YWHAZ: variants seen among roughly 807,000 people sequenced by gnomAD.
YWHAZ encodes tyrosine 3-monooxygenase/tryptophan 5-monooxygenase activation protein zeta.
For missense variants in YWHAZ, 79 were observed against 284.8 expected, an observed-to-expected ratio of 0.28 and a Z score of 5.20; for synonymous variants, 87 against 103.6, an observed-to-expected ratio of 0.84 and a Z score of 0.97.
intron 2 of YWHAZ, among the ~76,000 whole-genome samples, chr8:100,945,902 C>T (rs1388481006): frequency 6.6e-6 from 1 of 151,946 alleles, no homozygotes; most frequent in African/African-American, 2.4e-5. Context: ...ATTTGAGCAT[C>T]TATTACACGT....
At chr8:100,938,973 G>A (rs1392002392) in intron 2 of YWHAZ, among the ~76,000 whole-genome samples, 11 of 152,140 alleles carry the variant, frequency 7.2e-5, no homozygotes, top group Admixed American at 7.2e-4. Context: ...TATAAATAAG[G>A]TCATCTATAA....
intron 2 of YWHAZ, among the ~76,000 whole-genome samples, chr8:100,943,243 A>C (rs1810002510): frequency 6.6e-6 from 1 of 152,248 alleles, no homozygotes; most frequent in Non-Finnish European, 1.5e-5. Context: ...TTTATTCTCT[A>C]TGTGGAACTG....
At chr8:100,923,383 AAGAG>A (rs932215044) in intron 5 of YWHAZ, 3 of 152,240 alleles carry the variant, frequency 2.0e-5, no homozygotes, top group Non-Finnish European at 4.4e-5. Flanking sequence ...AACTTAAAAA[AAGAG>A]AGATAATTGG....
chr8:100,924,886 G>A lies in YWHAZ; in HGVS notation c.418+30C>T, dbSNP rs768004464. ...TTCCTCACTATGTTATCTTATACAA[G>A]TTCAACCAACAGGTTTAAAAACAGC... On this transcript the variant is annotated intron_variant, in intron 3 of 5. Coordinates refer to ENST00000395958, the MANE Select transcript of YWHAZ (RefSeq NM_145690.3). This position sits in a 1 kb window ranked among gnomAD's most constrained non-coding sequence, Gnocchi z 5.7. The A allele has an allele frequency of 3.2e-5, 51 of 1,610,782 alleles. No individual in the cohort carries two copies. The highest frequency in any genetic ancestry group is 4.2e-5 in the Non-Finnish European group (50 of 1,179,358).
At chr8:100,952,640 C>T (rs867426406), upstream of YWHAZ, 115 of 356,230 alleles carry the variant, frequency 3.2e-4, no homozygotes, top group Non-Finnish European at 8.6e-5. Flanking sequence ...CGTCCCCGGG[C>T]AGGATGACAA....
At chr8:100,931,203 T>C (rs935578650) in intron 2 of YWHAZ, among the ~76,000 whole-genome samples, 1 of 152,228 alleles carries the variant, frequency 6.6e-6, no homozygotes, top group Non-Finnish European at 1.5e-5. Context: ...AGATAGTCTA[T>C]ATTTACAATG....
At position 100,922,091 on chromosome 8, in the gene YWHAZ, T is replaced by A. The variant is rs995070163; in HGVS notation, c.679-1339A>T. Among the ~76,000 whole-genome samples, 1 of 152,222 alleles carries A rather than the reference T, an allele frequency of 6.6e-6. No homozygotes were observed. Among genetic ancestry groups the A allele is most frequent in the African/African-American group, 2.4e-5 (1 of 41,450 alleles). On this transcript the variant is annotated intron_variant, in intron 5 of 5. Coordinates refer to ENST00000395958, the MANE Select transcript of YWHAZ (RefSeq NM_145690.3). This position sits in a 1 kb window ranked among gnomAD's most constrained non-coding sequence, Gnocchi z 4.1. ...TGCTCCTCCTGTCAAACAAGGGGTT[T>A]TGTAATTGCAAGATGAAATTGTTTC...
upstream of YWHAZ, chr8:100,952,801 C>G: frequency 1.0e-6 from 1 of 1,000,196 alleles, no homozygotes; most frequent in Non-Finnish European, 1.2e-6. Context: ...GCTGGGCCGA[C>G]CGGGGCGCGC....
At chr8:100,951,415 A>AGGGGGCGGCCGAGGGAGAGG in intron 1 of YWHAZ, 1 of 978,408 alleles carries the variant, frequency 1.0e-6, no homozygotes, top group Non-Finnish European at 1.2e-6. Context: ...GGGGAGGGAA[A>AGGGGGCGGCCGAGGGAGAGG]GGAGGGGGCG....
chr8:100,940,327 G>GT (rs1441676717), intron 2 of YWHAZ, among the ~76,000 whole-genome samples: 1 of 152,086 alleles, frequency 6.6e-6, no homozygotes, highest in Admixed American at 6.5e-5. Flanking sequence ...TTTTTAGCTT[G>GT]TAAGTGGCAC....
At chr8:100,941,763 C>T (rs775377081) in intron 2 of YWHAZ, among the ~76,000 whole-genome samples, 34 of 148,372 alleles carry the variant, frequency 2.3e-4, no homozygotes, top group South Asian at 4.2e-4. Context: ...CCAGCCTGGA[C>T]GACAAGGTGA....
intron 2 of YWHAZ, among the ~76,000 whole-genome samples, chr8:100,941,574 C>T (rs1239625822): frequency 6.6e-6 from 1 of 152,132 alleles, no homozygotes; most frequent in Non-Finnish European, 1.5e-5. Flanking sequence ...CACCTGAGGT[C>T]AGGAGTTCAA....
chr8:100,953,368 G>C (rs1201652180), upstream of YWHAZ: 13 of 985,528 alleles, frequency 1.3e-5, no homozygotes. Flanking sequence ...AGCCGGGACG[G>C]GAGCCCGGAA....
intron 2 of YWHAZ, among the ~76,000 whole-genome samples, chr8:100,947,728 G>C (rs976281348): frequency 6.6e-6 from 1 of 152,172 alleles, no homozygotes; most frequent in African/African-American, 2.4e-5. Context: ...CTGAGTTCCA[G>C]ATTCAGTAAT....
chr8:100,950,569 G>A (rs1810650327), intron 1 of YWHAZ: 1 of 985,476 alleles, frequency 1.0e-6, no homozygotes. Context: ...GCGGATCTGT[G>A]TCAGGGAGCC....
At chr8:100,926,965 T>C (rs1813406391) in intron 2 of YWHAZ, among the ~76,000 whole-genome samples, 1 of 152,226 alleles carries the variant, frequency 6.6e-6, no homozygotes, top group Non-Finnish European at 1.5e-5. Context: ...TAAGTGGCTT[T>C]GGGGTGAGTC....
intron 2 of YWHAZ, among the ~76,000 whole-genome samples, chr8:100,941,405 A>G (rs1809841423): frequency 6.6e-6 from 1 of 152,224 alleles, no homozygotes; most frequent in East Asian, 1.9e-4. Flanking sequence ...CATTCCGCAT[A>G]CCAGTGGGTT....
intron 2 of YWHAZ, among the ~76,000 whole-genome samples, chr8:100,945,247 T>A (rs938652876): frequency 6.6e-6 from 1 of 152,238 alleles, no homozygotes; most frequent in African/African-American, 2.4e-5. Context: ...CTCTATTTAC[T>A]CTTGTAATAT....
intron 2 of YWHAZ, among the ~76,000 whole-genome samples, chr8:100,939,447 G>C (rs1015720847): frequency 1.3e-5 from 2 of 150,574 alleles, no homozygotes; most frequent in Non-Finnish European, 3.0e-5. Context: ...ATCATCTGAG[G>C]TCAGGAGTTC....
Sources: allele counts gnomAD v4.1 joint callset (sites outside exome capture counted in the v4.1 genomes callset), GRCh38; gene constraint gnomAD v4.1.1; non-coding constraint Gnocchi (gnomAD v3.1); transcripts MANE v1.5; gene names NCBI Gene and HGNC (gene_info 2026-07-23, HGNC 2026-07-21).